Variants in EME1 observed in about 807,000 individuals in gnomAD.
EME1 encodes the protein structure-specific endonuclease subunit EME1.
A neutral mutation model predicts 59.1 loss-of-function variants in EME1; 61 were observed. That is an observed-to-expected ratio of 1.03 (90% CI 0.84 to 1.28). The LOEUF is 1.28. Among genes scored for constraint, EME1 ranks in the 50% most tolerant of loss-of-function variants. EME1 has a pLI of 0.00. For synonymous variants in EME1, 230 were observed against 254.2 expected, an observed-to-expected ratio of 0.90 and a Z score of 0.90; for missense variants, 635 against 682.6, an observed-to-expected ratio of 0.93 and a Z score of 0.78.
intron 8 of EME1, 69 bp downstream of exon 8, chr17:50,380,570 T>C (rs1397830307): frequency 4.4e-6 from 7 of 1,580,512 alleles, no homozygotes; most frequent in Admixed American, 3.4e-5. Flanking sequence ...CAGATTTCCA[T>C]GGACAACTGT....
intron 8 of EME1, 39 bp from the exon 9 acceptor site, chr17:50,380,724 T>A (rs372672525): frequency 1.9e-6 from 3 of 1,612,094 alleles, no homozygotes; most frequent in Non-Finnish European, 2.5e-6. Flanking sequence ...GGGATCACCA[T>A]GGATGGTACC....
In EME1 at chr17:50,380,862, G is replaced by A. The variant is rs1437019050; in HGVS notation, c.1636G>A (p.Gly546Arg). The A allele has an allele frequency of 2.5e-6, 4 of 1,614,060 alleles. No homozygotes were observed. Among genetic ancestry groups the A allele is most frequent in the Non-Finnish European group, 3.4e-6 (4 of 1,180,060 alleles). Reference sequence around the variant, plus strand: ...TGTGACATCCACTTCTCGCCGCATTGGACCAGAACTATCCAGGCGTATCTA... The same window carrying A: ...TGTGACATCCACTTCTCGCCGCATTAGACCAGAACTATCCAGGCGTATCTA... ...EGVTSTSRRI[G>R]PELSRRIYLQ... Residue 546 changes from glycine to arginine, a missense_variant, in exon 9 of 9, where the codon GGA becomes AGA. By Grantham distance (125) the Gly-to-Arg change is moderately radical (BLOSUM62 -2). Coordinates refer to ENST00000338165, the MANE Select transcript of EME1 (RefSeq NM_152463.4).
chr17:50,379,483 C>T lies in EME1; in HGVS notation c.1262C>T (p.Ala421Val), dbSNP rs758250917. 5 of 1,614,172 alleles carry T rather than the reference C, an allele frequency of 3.1e-6. No homozygotes were observed. Among genetic ancestry groups the T allele is most frequent in the Non-Finnish European group, 4.2e-6 (5 of 1,180,030 alleles). ...ALVDLQLHTE[A>V]QAQIVQSWKE... Reference sequence around the variant, plus strand: ...GTGGATCTGCAGCTACACACAGAAGCCCAGGCTCAAATTGTGCAGAGCTGG... The same window carrying T: ...GTGGATCTGCAGCTACACACAGAAGTCCAGGCTCAAATTGTGCAGAGCTGG... The change falls in exon 7 of 9, where the codon GCC (alanine) becomes GTC (valine). Residue 421 changes from alanine (A) to valine (V), a missense_variant. Coordinates refer to ENST00000338165, the MANE Select transcript of EME1 (RefSeq NM_152463.4).
intron 2 of EME1, 29 bp from the exon 3 acceptor site, chr17:50,376,037 A>G: frequency 6.2e-7 from 1 of 1,609,208 alleles, no homozygotes; most frequent in African/African-American, 1.3e-5. Context: ...TGGACCCCCC[A>G]CTGACAGTCC....
rs1913407029 is a variant in EME1, at chr17:50,375,461, A to G, written c.253A>G (p.Ser85Gly). Reference protein sequence around the residue: ...TQTQPVRLLSSESEDEEEFIP... With the variant: ...TQTQPVRLLSGESEDEEEFIP... ...AACACAGCCAGTCAGGTTGCTAAGC[A>G]GTGAAAGTGAAGATGAAGAAGAATT... Residue 85 changes from serine to glycine, a missense_variant, in exon 2 of 9, where the codon AGT (serine) becomes GGT (glycine). By Grantham distance (56) the Ser-to-Gly change is moderately conservative. Transcript: ENST00000338165. 1 of 1,614,006 alleles carries G rather than the reference A, an allele frequency of 6.2e-7. No homozygotes were observed. Among genetic ancestry groups the G allele is most frequent in the South Asian group, 1.1e-5 (1 of 91,072 alleles).
intron 5 of EME1, 49 bp from the exon 6 acceptor site, chr17:50,379,058 C>G (rs765687118): frequency 1.2e-6 from 2 of 1,613,870 alleles, no homozygotes; most frequent in South Asian, 2.2e-5. Context: ...TATCTTCTGC[C>G]TGACTTCAGC....
intron 3 of EME1, among the ~76,000 whole-genome samples, 160 bp downstream of exon 3, chr17:50,376,353 T>G (rs1913472423): frequency 6.6e-6 from 1 of 152,216 alleles, no homozygotes; most frequent in Non-Finnish European, 1.5e-5. Flanking sequence ...AGGGACTGTT[T>G]GCCAAGGCAT....
chr17:50,377,951 T>C (rs1395795962), intron 3 of EME1, among the ~76,000 whole-genome samples: 1 of 151,476 alleles, frequency 6.6e-6, no homozygotes, highest in Admixed American at 6.6e-5. Flanking sequence ...AGAGACGGGG[T>C]TTCACCATGT....
chr17:50,375,729 C>G lies in EME1; in HGVS notation c.521C>G (p.Ser174Cys), dbSNP rs749301888. Residue 174 changes from serine to cysteine, a missense_variant, in exon 2 of 9, where the codon TCT becomes TGT. Coordinates refer to ENST00000338165, the MANE Select transcript of EME1 (RefSeq NM_152463.4). ...TGCTGTCAGCTTCCAGCCTACCTGT[C>G]TACCTGCCCTGGCCAGAGCAGCAGC... ...DPCCQLPAYL[S>C]TCPGQSSSLA... The G allele has an allele frequency of 6.2e-7, 1 of 1,614,144 alleles. No individual in the cohort carries two copies. Among genetic ancestry groups the G allele is most frequent in the Non-Finnish European group, 8.5e-7 (1 of 1,180,014 alleles).
chr17:50,379,187 G>GC lies in EME1; in HGVS notation c.1194dup (p.Ile399HisfsTer11). 6.2e-7 allele frequency: 1 copy of GC among 1,614,196 alleles called. No individual in the cohort carries two copies. The highest frequency in any genetic ancestry group is 1.1e-5 in the South Asian group (1 of 91,086). On this transcript the variant is annotated frameshift_variant, in exon 6 of 9. Coordinates refer to ENST00000338165, the MANE Select transcript of EME1 (RefSeq NM_152463.4). LOFTEE classifies it high-confidence loss of function. ...CAGCAGCAGAGACAACCAGAGGCCA[G>GC]CATAGGGTCCATGGTATCCAGGGTA...
Position 50,375,777 on chromosome 17 carries a change from C to G in EME1, c.569C>G (p.Ser190Cys). The change falls in exon 2 of 9, where the codon TCT becomes TGT. Residue 190 changes from serine (S) to cysteine (C), a missense_variant. Transcript: ENST00000338165. ...AGCTTGGCAGTAACCAAAACAAATTCTGACATCCTTCCACCCCAGAAGAAA... is the reference window on the plus strand; with the variant it reads ...AGCTTGGCAGTAACCAAAACAAATTGTGACATCCTTCCACCCCAGAAGAAA... ...SSSLAVTKTN[S>C]DILPPQKKTK... 6.2e-7 allele frequency: 1 copy of G among 1,614,194 alleles called. No individual in the cohort carries two copies. Among genetic ancestry groups the G allele is most frequent in the South Asian group, 1.1e-5 (1 of 91,082 alleles).
At chr17:50,376,340 T>A in intron 3 of EME1, 147 bp downstream of exon 3, 1 of 1,299,734 alleles carries the variant, frequency 7.7e-7, no homozygotes, top group South Asian at 1.4e-5. Context: ...GAAGATTGAA[T>A]AAAGGGACTG....
intron 3 of EME1, among the ~76,000 whole-genome samples, chr17:50,376,828 A>G (rs1055613657): frequency 6.6e-6 from 1 of 152,206 alleles, no homozygotes; most frequent in African/African-American, 2.4e-5. Context: ...CCTTCCCACT[A>G]GTCCTCTCCT....
chr17:50,376,298 C>A (rs72832477), intron 3 of EME1, 105 bp downstream of exon 3: 2 of 1,491,376 alleles, frequency 1.3e-6, no homozygotes, highest in Non-Finnish European at 9.1e-7. Flanking sequence ...AGCAGGAAGA[C>A]AGATGGCACA....
Position 50,376,163 on chromosome 17 carries a change from C to T in EME1, c.873C>T (p.Val291=). Reference sequence around the variant, plus strand: ...AGGCGCAGGCTGTGCCTTGCAGTGTCACTTGGAGGAGAAGGGCTGGGCCGT... The same window carrying T: ...AGGCGCAGGCTGTGCCTTGCAGTGTTACTTGGAGGAGAAGGGCTGGGCCGT... ...VIEAQAVPCS[V]TWRRRAGPSE... is the part of the protein sequence containing the mutation. Residue 291 remains valine (V), a synonymous_variant, in exon 3 of 9, where the codon GTC becomes GTT. Transcript: ENST00000338165. 6.2e-7 allele frequency: 1 copy of T among 1,613,804 alleles called. No individual in the cohort carries two copies. The highest frequency in any genetic ancestry group is 2.2e-5 in the East Asian group (1 of 44,878).
At position 50,379,128 on chromosome 17, in the gene EME1, A is replaced by G. The variant is rs1913640827; in HGVS notation, c.1134A>G (p.Arg378=). Residue 378 remains arginine (R), a synonymous_variant, in exon 6 of 9, where the codon AGA becomes AGG. Coordinates refer to ENST00000338165, the MANE Select transcript of EME1 (RefSeq NM_152463.4). The part of the protein sequence containing the change: ...KCFSAQNPPR[R]GKQGANKQTK... The stretch of plus-strand genomic sequence containing the variant: ...CCAGTGCTCAGAATCCTCCAAGAAG[A>G]GGGAAACAGGGAGCAAATAAACAGA... 4 of 1,613,976 alleles carry G rather than the reference A, an allele frequency of 2.5e-6. No individual in the cohort carries two copies. The highest frequency in any genetic ancestry group is 3.4e-6 in the Non-Finnish European group (4 of 1,180,044).
rs376398734 is a variant in EME1 at position 50,375,626 on chromosome 17, C to T, written c.418C>T (p.Pro140Ser). 3 of 1,608,256 alleles carry T rather than the reference C, an allele frequency of 1.9e-6. No individual in the cohort carries two copies. The highest frequency in any genetic ancestry group is 2.5e-6 in the Non-Finnish European group (3 of 1,176,644). The change falls in exon 2 of 9, where the codon CCA (proline) becomes TCA (serine). Residue 140 changes from proline to serine, a missense_variant. Transcript: ENST00000338165. ...GASCDWKKPF[P>S]KIPEVPLHDT... ...ATCATGTGACTGGAAAAAGCCCTTT[C>T]CAAAGATCCCTGAAGTTCCCCTCCA...
intron 4 of EME1, 43 bp downstream of exon 4, chr17:50,378,724 G>A (rs1376753548): frequency 6.2e-7 from 1 of 1,614,050 alleles, no homozygotes; most frequent in East Asian, 2.2e-5. Context: ...ACAGAGGGCT[G>A]ACTCTTACTA....
At position 50,373,232 on chromosome 17, in the gene EME1, T is replaced by G; in HGVS notation, c.-70T>G. The G allele has an allele frequency of 6.3e-7, 1 of 1,584,332 alleles. No individual in the cohort carries two copies. Among genetic ancestry groups the G allele is most frequent in the Non-Finnish European group, 8.6e-7 (1 of 1,157,812 alleles). ...TACTTCCGCTATCAGGAGATCTACT[T>G]CCGGGCCCTGCGTGGCAGTTGAAAG... is the stretch of plus-strand genomic sequence containing the variant. On this transcript the variant is annotated 5_prime_UTR_variant, in exon 1 of 9. Transcript: ENST00000338165.
Sources: gnomAD v4.1 joint callset for allele counts (sites outside exome capture counted in the v4.1 genomes callset) on GRCh38, gnomAD v4.1.1 for gene constraint, MANE v1.5 for transcripts, NCBI Gene and HGNC (gene_info 2026-07-23, HGNC 2026-07-21) for gene names.